The following EXT2 variants were observed in gnomAD, a reference collection of about 807,000 sequenced individuals.
The protein encoded by EXT2 is exostosin-2.
EXT2 carries 53 observed loss-of-function variants against 81.6 expected under a neutral mutation model. The observed-to-expected ratio is 0.65, with a 90% CI of 0.52 to 0.82. EXT2 has a LOEUF of 0.82. Among genes scored for constraint, EXT2 ranks in the 40% least tolerant of loss-of-function variants. The probability of loss-of-function intolerance (pLI) is 0.00; values close to 1 mark genes in which losing one functional copy is unlikely to be tolerated. For synonymous variants in EXT2, 320 were observed against 340.0 expected (o/e 0.94, Z 0.65); for missense variants, 774 against 910.2 (o/e 0.85, Z 1.93).
At chr11:44,216,547 G>A (rs778746202) in intron 10 of EXT2, among the ~76,000 whole-genome samples, 20 of 152,248 alleles carry the variant, frequency 1.3e-4, no homozygotes, top group Middle Eastern at 3.4e-3. Flanking sequence ...ATCTTATTTC[G>A]TTCAGGATTC....
At chr11:44,194,073 CA>C (rs1244904886) in intron 8 of EXT2, among the ~76,000 whole-genome samples, 2 of 152,200 alleles carry the variant, frequency 1.3e-5, no homozygotes, top group African/African-American at 4.8e-5. Context: ...AATGCCAAGG[CA>C]TTCGTTTTGT....
intron 7 of EXT2, among the ~76,000 whole-genome samples, chr11:44,138,641 T>A (rs1004687414): frequency 1.3e-5 from 2 of 151,968 alleles, no homozygotes; most frequent in African/African-American, 4.8e-5. Flanking sequence ...CAGTAGTGAG[T>A]TGTTGCATAA....
Position 44,248,593 on chromosome 11 carries a change from C to T in EXT2, c.*4306C>T, listed in dbSNP as rs77270674. ...CTTATCTTGGCAGAGGAAAGTCAGG[C>T]AGGCAAGACCCACTCTAAATTTTAA... On this transcript the variant is annotated 3_prime_UTR_variant, in exon 14 of 14. Transcript: ENST00000533608. 4.9e-3 allele frequency among the ~76,000 whole-genome samples: 750 copies of T among 152,342 alleles called. 7 individuals carry two copies. The highest frequency in any genetic ancestry group is 0.017 in the African/African-American group (726 of 41,564).
At chr11:44,225,124 G>C (rs567023709) in intron 10 of EXT2, among the ~76,000 whole-genome samples, 13 of 152,212 alleles carry the variant, frequency 8.5e-5, no homozygotes, top group Non-Finnish European at 1.6e-4. Flanking sequence ...CCCACGACCT[G>C]ATCCTGACCC....
At chr11:44,128,812 A>G (rs528122381) in intron 6 of EXT2, among the ~76,000 whole-genome samples, 149 of 152,288 alleles carry the variant, frequency 9.8e-4, no homozygotes, top group Non-Finnish European at 1.8e-3. Flanking sequence ...TTTGAGTCTC[A>G]GTTCTCCCAT....
rs1473216620 is a variant in EXT2, at chr11:44,215,686, TC to T, written c.1662+8728del. On this transcript the variant is annotated intron_variant, in intron 10 of 13. Coordinates refer to ENST00000533608, the MANE Select transcript of EXT2 (RefSeq NM_207122.2). Reference sequence around the variant, plus strand: ...ATAAGCATCTCTATTTCTTCTTTTTTCTGTAGCCTTTGTCATTTCTGTAATA... The same window carrying T: ...ATAAGCATCTCTATTTCTTCTTTTTTTGTAGCCTTTGTCATTTCTGTAATA... 4.6e-5 allele frequency among the ~76,000 whole-genome samples: 7 copies of T among 152,322 alleles called. No homozygotes were observed. The East Asian group carries it at 1.2e-3, about 25-fold the overall frequency.
chr11:44,225,836 C>T (rs1344666012), intron 10 of EXT2, among the ~76,000 whole-genome samples: 1 of 152,134 alleles, frequency 6.6e-6, no homozygotes, highest in African/African-American at 2.4e-5. Flanking sequence ...ACCAAGTCAC[C>T]TCTGCCTTCT....
intron 12 of EXT2, among the ~76,000 whole-genome samples, chr11:44,235,738 G>A (rs886576845): frequency 3.3e-5 from 5 of 152,102 alleles, no homozygotes; most frequent in African/African-American, 1.2e-4. Context: ...TAGGGAGATC[G>A]CTAGTTAAGG....
chr11:44,250,326 T>G lies in EXT2; in HGVS notation c.*6039T>G, dbSNP rs566070001. ...GGATGCAAGAAGCTTTAAAATGTCC[T>G]TTTCTCACAGTGACTTCCCTTGACC... On this transcript the variant is annotated 3_prime_UTR_variant, in exon 14 of 14. Coordinates refer to ENST00000533608, the MANE Select transcript of EXT2 (RefSeq NM_207122.2). 2.6e-5 allele frequency among the ~76,000 whole-genome samples: 4 copies of G among 152,350 alleles called. No individual in the cohort carries two copies. The highest frequency in any genetic ancestry group is 2.6e-4 in the Admixed American group (4 of 15,308).
At chr11:44,162,112 A>G (rs1954935561) in intron 7 of EXT2, among the ~76,000 whole-genome samples, 6 of 152,192 alleles carry the variant, frequency 3.9e-5, no homozygotes, top group Admixed American at 3.3e-4. Context: ...TGTTTAGTTA[A>G]TAGAATTGTA....
intron 13 of EXT2, among the ~76,000 whole-genome samples, chr11:44,242,051 T>C (rs1033476690): frequency 6.6e-6 from 1 of 152,188 alleles, no homozygotes; most frequent in Non-Finnish European, 1.5e-5. Context: ...CCATTCCTGT[T>C]GGCGGATCTA....
At chr11:44,203,424 T>C (rs1365799615) in intron 9 of EXT2, among the ~76,000 whole-genome samples, 5 of 152,104 alleles carry the variant, frequency 3.3e-5, no homozygotes, top group Non-Finnish European at 7.4e-5. Flanking sequence ...CAGGCCAAAC[T>C]TGACAAGCAG....
Position 44,245,165 on chromosome 11 carries a change from T to C in EXT2, c.*878T>C. On this transcript the variant is annotated 3_prime_UTR_variant, in exon 14 of 14. Transcript: ENST00000533608. ...GGAATCTGTTTGCTTCCTGATTAGA[T>C]CCAGTCAATGTTTTAAAGGTATTGT... 4.4e-6 allele frequency: 1 copy of C among 229,510 alleles called. No homozygotes were observed. The highest frequency in any genetic ancestry group is 6.2e-5 in the East Asian group (1 of 16,124). The allele number at this position is 229,510 out of a possible 1,614,324, so 14.2% of individuals were successfully genotyped here.
At chr11:44,114,421 C>A in intron 4 of EXT2, 120 bp downstream of exon 4, 1 of 857,042 alleles carries the variant, frequency 1.2e-6, no homozygotes, top group Non-Finnish European at 2.0e-6. Context: ...GTCCTTGAGG[C>A]ACTGAGGCAC....
chr11:44,232,466 G>A lies in EXT2; in HGVS notation c.1776G>A (p.Met592Ile), dbSNP rs1481926394. 13 of 1,614,014 alleles carry A rather than the reference G, an allele frequency of 8.1e-6. No individual in the cohort carries two copies. Among genetic ancestry groups the A allele is most frequent in the Non-Finnish European group, 1.1e-5 (13 of 1,179,942 alleles). Residue 592 changes from methionine to isoleucine, a missense_variant, in exon 11 of 14, where the codon ATG becomes ATA. Physicochemically the swap from Met to Ile is conservative, Grantham distance 10 (BLOSUM62 1). This residue lies in a region of EXT2 where 148 missense variants were observed against 239.7 expected (regional missense o/e 0.62). Coordinates refer to ENST00000533608, the MANE Select transcript of EXT2 (RefSeq NM_207122.2). ...YESEWTNEVS[M>I]VLTGAAFYHK... ...CTGAGTGGACGAATGAAGTGTCCAT[G>A]GTGCTCACTGGGGCAGCTTTTTATC... is the stretch of plus-strand genomic sequence containing the variant.
intron 7 of EXT2, among the ~76,000 whole-genome samples, chr11:44,132,049 T>C (rs1422684778): frequency 6.6e-6 from 1 of 152,220 alleles, no homozygotes; most frequent in African/African-American, 2.4e-5. Flanking sequence ...TTTGTGTTAC[T>C]TTTTATGGAA....
intron 7 of EXT2, among the ~76,000 whole-genome samples, chr11:44,163,259 T>C (rs1449397791): frequency 1.3e-5 from 2 of 152,198 alleles, no homozygotes; most frequent in African/African-American, 4.8e-5. Flanking sequence ...TGTAAAAGAA[T>C]AAACAAAAAA....
At chr11:44,178,435 G>A (rs566548817) in intron 8 of EXT2, among the ~76,000 whole-genome samples, 1 of 152,204 alleles carries the variant, frequency 6.6e-6, no homozygotes, top group South Asian at 2.1e-4. Context: ...TGGATTAGAG[G>A]CATCCAGAGG....
At position 44,198,104 on chromosome 11, in the gene EXT2, C is replaced by T. The variant is rs1042914432; in HGVS notation, c.1495+86C>T. 2.2e-6 allele frequency: 3 copies of T among 1,370,268 alleles called. No homozygotes were observed. The African/African-American group carries it at 4.3e-5, about 20-fold the overall frequency. The allele number at this position is 1,370,268 out of a possible 1,614,324, so 84.9% of individuals were successfully genotyped here. ...CCTTTGTTTTAAATAAATTTTCCTG[C>T]TTTGTCAATAGCAATACCATTTCTG... On this transcript the variant is annotated intron_variant, in intron 9 of 13. Transcript: ENST00000533608.
Sources: gnomAD v4.1 joint callset for allele counts (sites outside exome capture counted in the v4.1 genomes callset) on GRCh38, gnomAD v4.1.1 for gene constraint, gnomAD v4.1.1 regional missense constraint, MANE v1.5 for transcripts, NCBI Gene and HGNC (gene_info 2026-07-23, HGNC 2026-07-21) for gene names.